TYW5: variants seen among roughly 807,000 people sequenced by gnomAD.
TYW5 encodes tRNA-yW synthesizing protein 5, also known as tRNA wybutosine-synthesizing protein 5.
A neutral mutation model predicts 44.4 loss-of-function variants in TYW5; 36 were observed. The observed-to-expected ratio is 0.81, with a 90% confidence interval of 0.62 to 1.07. TYW5 has a LOEUF of 1.07. Ranked by LOEUF, TYW5 falls within the 50% of genes least tolerant of loss-of-function variation. The probability of loss-of-function intolerance (pLI) is 0.00; values close to 1 mark genes in which losing one functional copy is unlikely to be tolerated. For synonymous variants in TYW5, 121 were observed against 128.1 expected (o/e 0.94, Z 0.37); for missense variants, 354 against 365.7 (o/e 0.97, Z 0.26).
At chr2:199,937,696 T>C (rs905951702) in intron 5 of TYW5, among the ~76,000 whole-genome samples, 1 of 152,036 alleles carries the variant, frequency 6.6e-6, no homozygotes, top group Non-Finnish European at 1.5e-5. Context: ...ATCATCATCA[T>C]CATCATCATA....
intron 1 of TYW5, among the ~76,000 whole-genome samples, chr2:199,952,382 GC>G (rs1479168259): frequency 1.3e-5 from 2 of 152,008 alleles, no homozygotes; most frequent in Non-Finnish European, 2.9e-5. Context: ...TTAAATTTTT[GC>G]CAATATGATA....
At position 199,952,075 on chromosome 2, in the gene TYW5, C is replaced by T. The variant is rs553293308; in HGVS notation, c.78+3318G>A. On this transcript the variant is annotated intron_variant, in intron 1 of 7. Transcript: ENST00000354611. Reference sequence around the variant, plus strand: ...AATCACCACTTATCAGTTCAGATATCGCCTTTATTCTTTTTTACATCTTAG... The same window carrying T: ...AATCACCACTTATCAGTTCAGATATTGCCTTTATTCTTTTTTACATCTTAG... Among the ~76,000 whole-genome samples, 108 of 151,998 alleles carry T rather than the reference C, an allele frequency of 7.1e-4. 2 individuals are homozygous for T. The highest frequency in any genetic ancestry group is 6.8e-3 in the Middle Eastern group (2 of 294).
intron 2 of TYW5, chr2:199,945,071 T>C (rs2077494040): frequency 6.6e-6 from 1 of 152,228 alleles, no homozygotes; most frequent in Non-Finnish European, 1.5e-5. Context: ...CTTTCCTGTG[T>C]GTAGTGCAAC....
At chr2:199,939,175 C>A in intron 4 of TYW5, 105 bp from the exon 5 acceptor site, 1 of 1,000,378 alleles carries the variant, frequency 1.0e-6, no homozygotes, top group Non-Finnish European at 1.4e-6. Context: ...TATGATGTGA[C>A]CATGTGCCAA....
Position 199,933,005 on chromosome 2 carries a change from TC to T in TYW5, c.*61del. 1 of 1,544,432 alleles carries T rather than the reference TC, an allele frequency of 6.5e-7. No homozygotes were observed. Among genetic ancestry groups the T allele is most frequent in the South Asian group, 1.2e-5 (1 of 80,074 alleles). ...ATGTATCTTTCCTATTTTAACAAAA[TC>T]TTTAATTTATATCGTTATACCTTAC... On this transcript the variant is annotated 3_prime_UTR_variant, in exon 8 of 8. Transcript: ENST00000354611.
rs763367203 is a variant in TYW5 at position 199,955,403 on chromosome 2, A to T, written c.68T>A (p.Leu23His). The change falls in exon 1 of 8, where the codon CTC becomes CAC. Residue 23 changes from leucine (L) to histidine (H), a missense_variant. Physicochemically the swap from Leu to His is moderately conservative, Grantham distance 99. Transcript: ENST00000354611. ...GCGCGAGGGCCTCACCTGTGGGTAGAGGTGCTGCATGAACTGCTCCCGAGA... is the reference window on the plus strand; with the variant it reads ...GCGCGAGGGCCTCACCTGTGGGTAGTGGTGCTGCATGAACTGCTCCCGAGA... ...GVSREQFMQH[L>H]YPQRKPLVLE... is the part of the protein sequence containing the mutation. The T allele has an allele frequency of 8.1e-6, 13 of 1,613,464 alleles. No homozygotes were observed. The Admixed American group carries it at 2.0e-4, about 25-fold the overall frequency.
intron 7 of TYW5, among the ~76,000 whole-genome samples, chr2:199,935,156 A>C (rs1460603352): frequency 6.6e-6 from 1 of 152,114 alleles, no homozygotes; most frequent in African/African-American, 2.4e-5. Flanking sequence ...TATTTTTAAA[A>C]AATAATTTAG....
chr2:199,943,906 A>G, intron 2 of TYW5, 72 bp from the exon 3 acceptor site: 1 of 1,106,866 alleles, frequency 9.0e-7, no homozygotes. Flanking sequence ...ATCACTATAC[A>G]TAAAGGCTTG....
At chr2:199,951,821 C>T (rs1447061956) in intron 1 of TYW5, among the ~76,000 whole-genome samples, 1 of 152,036 alleles carries the variant, frequency 6.6e-6, no homozygotes, top group African/African-American at 2.4e-5. Flanking sequence ...TCGAGACCAT[C>T]CTGGCTAACA....
chr2:199,943,543 C>T, intron 3 of TYW5: 3 of 432,072 alleles, frequency 6.9e-6, no homozygotes, highest in East Asian at 4.0e-5. Context: ...CTATTATCAC[C>T]CCCATTTCAC....
intron 6 of TYW5, 108 bp from the exon 7 acceptor site, chr2:199,936,155 A>C: frequency 1.3e-6 from 1 of 763,860 alleles, no homozygotes; most frequent in Non-Finnish European, 2.2e-6. Context: ...CCAGTTACTT[A>C]CTGTACCAAC....
chr2:199,945,500 G>A (rs757198805), intron 2 of TYW5: 5 of 152,232 alleles, frequency 3.3e-5, no homozygotes, highest in Admixed American at 6.5e-5. Flanking sequence ...TATAGATAGT[G>A]TCTGACTAAC....
At chr2:199,937,705 T>TCAC (rs2077431855) in intron 5 of TYW5, among the ~76,000 whole-genome samples, 1 of 152,050 alleles carries the variant, frequency 6.6e-6, no homozygotes, top group African/African-American at 2.4e-5. Context: ...ATCATCATCA[T>TCAC]AGAATATAGT....
chr2:199,948,551 C>A, intron 1 of TYW5, 79 bp from the exon 2 acceptor site: 1 of 1,425,378 alleles, frequency 7.0e-7, no homozygotes. Flanking sequence ...AACAGGGAGA[C>A]AAAAACAAGT....
chr2:199,936,112 C>A, intron 6 of TYW5, 65 bp from the exon 7 acceptor site: 1 of 992,794 alleles, frequency 1.0e-6, no homozygotes, highest in Admixed American at 2.1e-5. Flanking sequence ...AAAGTAATCA[C>A]AAATATAAAT....
Position 199,932,378 on chromosome 2 carries a change from C to T in TYW5, c.*689G>A, listed in dbSNP as rs1274962967. On this transcript the variant is annotated 3_prime_UTR_variant, in exon 8 of 8. Coordinates refer to ENST00000354611, the MANE Select transcript of TYW5 (RefSeq NM_001039693.3). The stretch of plus-strand genomic sequence containing the variant: ...AGAACCATGATTTTAAAAAAACTAT[C>T]CTTTCTGTCCCCATATATCCCTCAT... 6.6e-6 allele frequency: 1 copy of T among 152,166 alleles called. No homozygotes were observed. Among genetic ancestry groups the T allele is most frequent in the Non-Finnish European group, 1.5e-5 (1 of 68,030 alleles). 9.4% of individuals were successfully genotyped at this position (152,166 alleles called of 1,614,324 possible).
chr2:199,953,186 C>T (rs1220337342), intron 1 of TYW5, among the ~76,000 whole-genome samples: 3 of 152,004 alleles, frequency 2.0e-5, no homozygotes, highest in Non-Finnish European at 4.4e-5. Flanking sequence ...AGCCGGACGT[C>T]GGGGCGGGTG....
rs371904410 is a variant in TYW5, at chr2:199,933,270, A to C, written c.745T>G (p.Phe249Val). The C allele has an allele frequency of 5.6e-6, 9 of 1,613,834 alleles. No homozygotes were observed. The African/African-American group carries it at 1.2e-4, about 22-fold the overall frequency. ...CATTCAGATGGAAGGTGCTTCCAAA[A>C]GATATTCACTCCCACTCCAAACTCT... is the stretch of plus-strand genomic sequence containing the variant. ...SEEFGVGVNI[F>V]WKHLPSECYD... is the part of the protein sequence containing the mutation. Residue 249 changes from phenylalanine to valine, a missense_variant, in exon 8 of 8, where the codon TTT (phenylalanine) becomes GTT (valine). Physicochemically the swap from Phe to Val is conservative, Grantham distance 50 (BLOSUM62 -1). Transcript: ENST00000354611.
intron 2 of TYW5, chr2:199,946,869 T>C (rs1184098558): frequency 6.6e-6 from 1 of 152,174 alleles, no homozygotes; most frequent in Admixed American, 6.5e-5. Context: ...TATTACATAA[T>C]GTATGTGCTT....
Sources: gnomAD v4.1 joint callset for allele counts (sites outside exome capture counted in the v4.1 genomes callset) on GRCh38, gnomAD v4.1.1 for gene constraint, MANE v1.5 for transcripts, NCBI Gene and HGNC (gene_info 2026-07-23, HGNC 2026-07-21) for gene names.